LRFN5: variants seen among roughly 807,000 people sequenced by gnomAD.
LRFN5 encodes the protein leucine rich repeat and fibronectin type III domain containing 5.
LRFN5 carries 24 observed loss-of-function variants against 45.6 expected under a neutral mutation model. The ratio of observed to expected loss-of-function variants is 0.53; its 90% CI spans 0.38 to 0.74. LRFN5 has a LOEUF of 0.74. Ranked by LOEUF, LRFN5 falls within the 30% of genes least tolerant of loss-of-function variation. The probability of loss-of-function intolerance (pLI) is 0.00; values close to 1 mark genes in which losing one functional copy is unlikely to be tolerated. For synonymous variants in LRFN5, 340 were observed against 313.8 expected, an observed-to-expected ratio of 1.08 and a Z score of -0.88; for missense variants, 776 against 861.5, an observed-to-expected ratio of 0.90 and a Z score of 1.24.
chr14:41,826,607 T>A (rs1888303768), intron 2 of LRFN5, among the ~76,000 whole-genome samples: 2 of 152,100 alleles, frequency 1.3e-5, no homozygotes, highest in Non-Finnish European at 2.9e-5. Flanking sequence ...AATGTTTCGA[T>A]GTTGAATATA....
At chr14:41,653,116 C>G (rs1254093900) in intron 1 of LRFN5, among the ~76,000 whole-genome samples, 1 of 152,114 alleles carries the variant, frequency 6.6e-6, no homozygotes, top group African/African-American at 2.4e-5. Flanking sequence ...TACAGGTTGT[C>G]TGTTTACTCT....
At chr14:41,715,383 C>A (rs1321998068) in intron 1 of LRFN5, among the ~76,000 whole-genome samples, 1 of 152,172 alleles carries the variant, frequency 6.6e-6, no homozygotes, top group African/African-American at 2.4e-5. Context: ...ATTAGGTTAA[C>A]AATGTAGAAC....
intron 2 of LRFN5, among the ~76,000 whole-genome samples, chr14:41,784,908 C>G (rs1886664323): frequency 1.3e-5 from 2 of 152,244 alleles, no homozygotes; most frequent in South Asian, 4.1e-4. Flanking sequence ...GGATTACAGG[C>G]TTGAGCCACC....
intron 1 of LRFN5, among the ~76,000 whole-genome samples, chr14:41,757,620 G>T (rs1316926432): frequency 6.6e-6 from 1 of 152,162 alleles, no homozygotes; most frequent in Admixed American, 6.5e-5. Flanking sequence ...ACAGTATTAG[G>T]GTGGGAGTGA....
intron 2 of LRFN5, among the ~76,000 whole-genome samples, chr14:41,869,896 G>T (rs939690416): frequency 6.6e-6 from 1 of 151,974 alleles, no homozygotes; most frequent in East Asian, 1.9e-4. Flanking sequence ...ATTTGGGTGG[G>T]GACACAGCCA....
intron 1 of LRFN5, among the ~76,000 whole-genome samples, chr14:41,667,940 A>C (rs1414905502): frequency 6.6e-6 from 1 of 152,272 alleles, no homozygotes; most frequent in East Asian, 1.9e-4. Flanking sequence ...AGATCCCTGC[A>C]TACCAAACCT....
At chr14:41,861,001 C>A (rs1017306145) in intron 2 of LRFN5, among the ~76,000 whole-genome samples, 2 of 152,170 alleles carry the variant, frequency 1.3e-5, no homozygotes, top group Admixed American at 1.3e-4. Flanking sequence ...GAGTCCAGTG[C>A]AGGATTACTT....
rs914212982 is a variant in LRFN5 at position 41,671,617 on chromosome 14, G to GTTTTTTTT, written c.-197+63068_-197+63075dup. 3.3e-3 allele frequency among the ~76,000 whole-genome samples: 256 copies of GTTTTTTTT among 78,006 alleles called. 46 individuals carry two copies. Among genetic ancestry groups the GTTTTTTTT allele is most frequent in the African/African-American group, 0.013 (238 of 18,592 alleles). 51.2% of individuals were successfully genotyped at this position (78,006 alleles called of 152,430 possible). On this transcript the variant is annotated intron_variant, in intron 1 of 5. Coordinates refer to ENST00000298119, the MANE Select transcript of LRFN5 (RefSeq NM_152447.5). ...TGTGGAGGAGAGATTTTTTTTTTTC[G>GTTTTTTTT]TTTTTTTTTTTTTTTTTTTTACGGA...
intron 1 of LRFN5, among the ~76,000 whole-genome samples, chr14:41,702,147 C>T (rs921194486): frequency 4.6e-5 from 7 of 152,124 alleles, no homozygotes; most frequent in Non-Finnish European, 8.8e-5. Context: ...AAATAAAATC[C>T]TGCTAATTGC....
At chr14:41,652,070 G>A (rs1320303321) in intron 1 of LRFN5, among the ~76,000 whole-genome samples, 5 of 151,962 alleles carry the variant, frequency 3.3e-5, no homozygotes, top group Non-Finnish European at 7.4e-5. Context: ...CTAGGGGTTA[G>A]GACATCGACA....
chr14:41,775,087 C>CTTTTTAT (rs1886230085), intron 2 of LRFN5, among the ~76,000 whole-genome samples: 2 of 60,892 alleles, frequency 3.3e-5, no homozygotes, highest in Admixed American at 2.0e-4. Flanking sequence ...GCTACTTTTT[C>CTTTTTAT]TTTTTCTTTT....
intron 1 of LRFN5, among the ~76,000 whole-genome samples, chr14:41,734,611 C>T (rs1205048523): frequency 1.3e-5 from 2 of 149,464 alleles, no homozygotes; most frequent in African/African-American, 4.9e-5. Context: ...TTTTTTTAAT[C>T]CACTCAGCCT....
chr14:41,634,012 A>C (rs73313512), intron 1 of LRFN5, among the ~76,000 whole-genome samples: 270 of 152,298 alleles, frequency 1.8e-3, no homozygotes, highest in African/African-American at 6.3e-3. Flanking sequence ...AGTTCTAATG[A>C]ATTATCGCCA....
intron 1 of LRFN5, among the ~76,000 whole-genome samples, chr14:41,752,678 T>A (rs1885188472): frequency 6.6e-6 from 1 of 152,214 alleles, no homozygotes; most frequent in Non-Finnish European, 1.5e-5. Context: ...TTTTCTCAGA[T>A]GAGTATATTG....
chr14:41,728,407 A>G (rs1383436674), intron 1 of LRFN5, among the ~76,000 whole-genome samples: 5 of 152,200 alleles, frequency 3.3e-5, no homozygotes, highest in Admixed American at 6.6e-5. Flanking sequence ...AATGAGTCCA[A>G]AGACTCTCAA....
At chr14:41,818,494 C>A (rs1050661490) in intron 2 of LRFN5, among the ~76,000 whole-genome samples, 22 of 151,520 alleles carry the variant, frequency 1.5e-4, no homozygotes, top group African/African-American at 4.8e-4. Flanking sequence ...ATATGATATA[C>A]ACACACACAA....
chr14:41,804,288 G>T (rs10136362), intron 2 of LRFN5, among the ~76,000 whole-genome samples: 6,353 of 152,106 alleles, frequency 0.042, 444 homozygotes, highest in African/African-American at 0.15. Flanking sequence ...GCAATCATAG[G>T]GGTGTAGAAA....
chr14:41,837,450 A>G (rs564751974), intron 2 of LRFN5, among the ~76,000 whole-genome samples: 1 of 152,300 alleles, frequency 6.6e-6, no homozygotes, highest in Admixed American at 6.5e-5. Context: ...GAGATGGTGC[A>G]TGGAGAGACC....
At chr14:41,703,147 A>G (rs1231999977) in intron 1 of LRFN5, among the ~76,000 whole-genome samples, 1 of 152,192 alleles carries the variant, frequency 6.6e-6, no homozygotes, top group Non-Finnish European at 1.5e-5. Flanking sequence ...CAAATGGAAT[A>G]TCGTTGTTTA....
Sources: gnomAD v4.1 joint callset for allele counts (sites outside exome capture counted in the v4.1 genomes callset) on GRCh38, gnomAD v4.1.1 for gene constraint, MANE v1.5 for transcripts, NCBI Gene and HGNC (gene_info 2026-07-23, HGNC 2026-07-21) for gene names.